COL25A1: variants seen among roughly 807,000 people sequenced by gnomAD.
COL25A1 encodes the protein collagen alpha-1(XXV) chain.
In COL25A1, 103 loss-of-function variants were observed where a neutral mutation model predicts 128.4. That is an observed-to-expected ratio of 0.80 (90% CI 0.68 to 0.94). The LOEUF (loss-of-function observed/expected upper bound fraction) is 0.94, where lower values mean the gene tolerates loss of function less well. COL25A1 is among the 40% of genes least tolerant of loss of function. COL25A1 has a pLI of 0.00. For missense variants in COL25A1, 745 were observed against 840.0 expected, an observed-to-expected ratio of 0.89 and a Z score of 1.40; for synonymous variants, 279 against 277.2, an observed-to-expected ratio of 1.01 and a Z score of -0.06.
intron 8 of COL25A1, among the ~76,000 whole-genome samples, chr4:108,965,883 A>G (rs1292349122): frequency 6.6e-6 from 1 of 152,224 alleles, no homozygotes; most frequent in Non-Finnish European, 1.5e-5. Flanking sequence ...TAGGTTATGC[A>G]AACTCAGCAT....
chr4:109,062,489 T>C (rs1009664155), intron 3 of COL25A1, among the ~76,000 whole-genome samples: 8 of 152,330 alleles, frequency 5.3e-5, no homozygotes, highest in African/African-American at 1.9e-4. Context: ...ATGGATTCTA[T>C]GAAGTCTATT....
At chr4:109,167,618 C>T (rs1467620943) in intron 3 of COL25A1, among the ~76,000 whole-genome samples, 1 of 152,068 alleles carries the variant, frequency 6.6e-6, no homozygotes, top group East Asian at 1.9e-4. Flanking sequence ...AAATCAGCTT[C>T]CCTTCTTCCC....
At chr4:108,929,416 G>A (rs2125912779) in intron 11 of COL25A1, among the ~76,000 whole-genome samples, 1 of 152,060 alleles carries the variant, frequency 6.6e-6, no homozygotes, top group South Asian at 2.1e-4. Flanking sequence ...GAGCCACCGC[G>A]CCCGGCTGGT....
intron 3 of COL25A1, among the ~76,000 whole-genome samples, chr4:109,188,454 C>T (rs1775325651): frequency 6.6e-6 from 1 of 152,056 alleles, no homozygotes; most frequent in Non-Finnish European, 1.5e-5. Context: ...ATCAGAGAAA[C>T]GTGGGGTGGG....
At chr4:108,852,729 C>T (rs545708804) in intron 25 of COL25A1, among the ~76,000 whole-genome samples, 173 bp downstream of exon 25, 1 of 152,268 alleles carries the variant, frequency 6.6e-6, no homozygotes, top group South Asian at 2.1e-4. Flanking sequence ...TTGACCTTTT[C>T]ACTAAGCAGA....
At chr4:108,913,261 C>CTGTTTTTTTTT (rs1744455399) in intron 13 of COL25A1, among the ~76,000 whole-genome samples, 1 of 92,396 alleles carries the variant, frequency 1.1e-5, no homozygotes, top group South Asian at 7.0e-4. Context: ...TCTCTAGCTC[C>CTGTTTTTTTTT]TTTTTTTTTT....
intron 8 of COL25A1, among the ~76,000 whole-genome samples, chr4:108,959,394 C>A (rs960473849): frequency 8.5e-5 from 13 of 152,122 alleles, no homozygotes. Flanking sequence ...AGCCTCTAAT[C>A]TGCTCCTTTG....
At chr4:109,176,400 A>G (rs973546204) in intron 3 of COL25A1, among the ~76,000 whole-genome samples, 1 of 152,178 alleles carries the variant, frequency 6.6e-6, no homozygotes, top group Non-Finnish European at 1.5e-5. Flanking sequence ...AAAGAAAAAC[A>G]AAGCTAGAGA....
chr4:109,021,169 G>C (rs115884988), intron 5 of COL25A1, among the ~76,000 whole-genome samples: 15 of 152,288 alleles, frequency 9.8e-5, no homozygotes, highest in African/African-American at 2.9e-4. Flanking sequence ...TATCATGTCT[G>C]CGGAATGCTC....
At position 108,863,328 on chromosome 4, in the gene COL25A1, G is replaced by A. The variant is rs371970057; in HGVS notation, c.1143C>T (p.Pro381=). The part of the protein sequence containing the change: ...GRGERGEPGA[P]GPKGKQGESG... ...TTTAAGAATAACTCACCTTTGGTCC[G>A]GGGGCTCCAGGTTCCCCTCGCTCAC... The change falls in exon 21 of 38, where the codon CCC becomes CCT. Residue 381 remains proline, a synonymous_variant. Transcript: ENST00000399132. The A allele has an allele frequency of 6.4e-5, 103 of 1,612,244 alleles. No individual in the cohort carries two copies. Among genetic ancestry groups the A allele is most frequent in the Non-Finnish European group, 7.6e-5 (90 of 1,178,922 alleles).
intron 3 of COL25A1, among the ~76,000 whole-genome samples, chr4:109,118,376 A>G (rs1484699413): frequency 2.0e-5 from 2 of 99,636 alleles, no homozygotes; most frequent in Admixed American, 1.1e-4. Context: ...ACAAAAAAAG[A>G]TAACACACGT....
chr4:109,204,280 G>T (rs1465526474), intron 3 of COL25A1, among the ~76,000 whole-genome samples: 1 of 152,048 alleles, frequency 6.6e-6, no homozygotes, highest in Non-Finnish European at 1.5e-5. Flanking sequence ...TCCCAAAGTG[G>T]CTGGATTACT....
intron 6 of COL25A1, among the ~76,000 whole-genome samples, chr4:108,986,754 A>C (rs891141438): frequency 9.2e-5 from 14 of 152,190 alleles, no homozygotes; most frequent in Admixed American, 9.2e-4. Context: ...CAATTGGTGA[A>C]ATTTAAATAT....
Position 108,813,632 on chromosome 4 carries a change from A to C in COL25A1, c.*295T>G, listed in dbSNP as rs1032133053. 3.2e-6 allele frequency: 1 copy of C among 311,536 alleles called. No homozygotes were observed. The highest frequency in any genetic ancestry group is 2.2e-5 in the African/African-American group (1 of 46,472). The allele number at this position is 311,536 out of a possible 1,614,324, so 19.3% of individuals were successfully genotyped here. On this transcript the variant is annotated 3_prime_UTR_variant, in exon 38 of 38. Transcript: ENST00000399132. ...CAATTAGCAAGCCAAAAGAAGGAAA[A>C]TAGCTAGTACAATCAATCATTCTCT...
intron 3 of COL25A1, among the ~76,000 whole-genome samples, chr4:109,256,085 G>GGCGTGT (rs369220694): frequency 7.0e-6 from 1 of 143,240 alleles, no homozygotes; most frequent in African/African-American, 2.6e-5. Context: ...TTTAAGCATT[G>GGCGTGT]GTGTGTGTGT....
At chr4:109,195,266 T>C (rs1269233254) in intron 3 of COL25A1, among the ~76,000 whole-genome samples, 1 of 152,160 alleles carries the variant, frequency 6.6e-6, no homozygotes, top group Non-Finnish European at 1.5e-5. Context: ...CCAGTTGCCG[T>C]AGATGAGCCC....
At chr4:109,267,085 G>C (rs1781845994) in intron 3 of COL25A1, among the ~76,000 whole-genome samples, 1 of 152,148 alleles carries the variant, frequency 6.6e-6, no homozygotes, top group South Asian at 2.1e-4. Context: ...AGTCATGTCA[G>C]CATGCAGCCC....
intron 13 of COL25A1, among the ~76,000 whole-genome samples, chr4:108,903,363 T>C (rs2125868949): frequency 6.6e-6 from 1 of 152,168 alleles, no homozygotes; most frequent in South Asian, 2.1e-4. Flanking sequence ...GTAAACATAT[T>C]GCATAGCTTG....
intron 3 of COL25A1, among the ~76,000 whole-genome samples, chr4:109,217,490 C>T (rs1445106356): frequency 3.4e-5 from 5 of 148,118 alleles, no homozygotes; most frequent in African/African-American, 7.8e-5. Flanking sequence ...AAGAGAAATA[C>T]GATTAATAAC....
Sources: gnomAD v4.1 joint callset for allele counts (sites outside exome capture counted in the v4.1 genomes callset) on GRCh38, gnomAD v4.1.1 for gene constraint, MANE v1.5 for transcripts, NCBI Gene and HGNC (gene_info 2026-07-23, HGNC 2026-07-21) for gene names.